Variants in XRN2 observed in about 807,000 individuals in gnomAD.
XRN2 encodes 5'-3' exoribonuclease 2.
XRN2 carries 44 observed loss-of-function variants against 138.5 expected under a neutral mutation model. The observed-to-expected ratio is 0.32, with a 90% confidence interval of 0.25 to 0.41. The LOEUF (loss-of-function observed/expected upper bound fraction) is 0.41. Among genes scored for constraint, XRN2 ranks in the 10% least tolerant of loss-of-function variants. The probability of loss-of-function intolerance (pLI) is 1.00; values close to 1 mark genes in which losing one functional copy is unlikely to be tolerated. For missense variants in XRN2, 937 were observed against 1,169.3 expected, an observed-to-expected ratio of 0.80 and a Z score of 2.90; for synonymous variants, 354 against 369.4, an observed-to-expected ratio of 0.96 and a Z score of 0.48.
At chr20:21,312,928 A>T (rs2037903075) in intron 1 of XRN2, among the ~76,000 whole-genome samples, 2 of 152,286 alleles carry the variant, frequency 1.3e-5, no homozygotes, top group Middle Eastern at 3.4e-3. Flanking sequence ...AACACAGTTC[A>T]ATTGAGCAAT....
intron 14 of XRN2, among the ~76,000 whole-genome samples, chr20:21,340,362 C>T (rs1296206424): frequency 6.6e-6 from 1 of 151,980 alleles, no homozygotes; most frequent in African/African-American, 2.4e-5. Context: ...TTTTTTTAAA[C>T]CTAAATTATT....
At chr20:21,369,188 G>T (rs1163720770) in intron 27 of XRN2, among the ~76,000 whole-genome samples, 1 of 152,122 alleles carries the variant, frequency 6.6e-6, no homozygotes, top group Non-Finnish European at 1.5e-5. Context: ...TGCCTGACTT[G>T]TTTCATGTAA....
intron 27 of XRN2, among the ~76,000 whole-genome samples, chr20:21,380,460 C>G (rs2038871431): frequency 6.6e-6 from 1 of 152,146 alleles, no homozygotes; most frequent in Admixed American, 6.5e-5. Context: ...GAACTTCTTA[C>G]TTTTATCTCT....
At chr20:21,379,248 G>C (rs928713587) in intron 27 of XRN2, among the ~76,000 whole-genome samples, 5 of 152,136 alleles carry the variant, frequency 3.3e-5, no homozygotes, top group Non-Finnish European at 7.4e-5. Context: ...CACTGTCTCA[G>C]AATTTTTTTT....
intron 27 of XRN2, 107 bp downstream of exon 27, chr20:21,368,697 G>C: frequency 1.4e-6 from 2 of 1,427,762 alleles, no homozygotes; most frequent in Non-Finnish European, 1.9e-6. Context: ...AGTGCAGACA[G>C]TGAACTTTAA....
chr20:21,326,527 A>G lies in XRN2; in HGVS notation c.241A>G (p.Ile81Val). The G allele has an allele frequency of 1.9e-6, 3 of 1,614,090 alleles. No individual in the cohort carries two copies. The African/African-American group carries it at 4.0e-5, about 22-fold the overall frequency. ...AAATGAAGATGAAATGATGGTTGCA[A>G]TTTTTGAGTACATTGACAGACTTTT... is the stretch of plus-strand genomic sequence containing the variant. ...PKNEDEMMVA[I>V]FEYIDRLFSI... The change falls in exon 3 of 30, where the codon ATT becomes GTT. Residue 81 changes from isoleucine (I) to valine (V), a missense_variant. Around this residue, in one of 6 missense-constraint regions of XRN2, gnomAD observed 51 missense variants for 93.5 expected, o/e 0.55. Transcript: ENST00000377191.
Position 21,346,547 on chromosome 20 carries a change from CCA to C in XRN2, c.1663_1664del (p.Gln555GlyfsTer21). ...GLCWVLRYYY[Q>X]GCASWKWYYP... Reference sequence around the variant, plus strand: ...TTTGCTGGGTTCTTAGATATTATTACCAGGTACAAAAAGAATATTTTCCTCTG... The same window carrying C: ...TTTGCTGGGTTCTTAGATATTATTACGGTACAAAAAGAATATTTTCCTCTG... On this transcript the variant is annotated frameshift_variant and splice_region_variant, in exon 17 of 30. Transcript: ENST00000377191. LOFTEE classifies it high-confidence loss of function. 6.2e-7 allele frequency: 1 copy of C among 1,612,676 alleles called. No homozygotes were observed. The highest frequency in any genetic ancestry group is 8.5e-7 in the Non-Finnish European group (1 of 1,179,242).
rs2038524347 is a variant in XRN2, at chr20:21,352,651, C to T, written c.1937-2138C>T. On this transcript the variant is annotated intron_variant, in intron 20 of 29. Transcript: ENST00000377191. ...CGGCCCAACACACGTAATTTAAAAG[C>T]AGTATCGTTTTGGTCAATTTGCTTA... 2.6e-5 allele frequency among the ~76,000 whole-genome samples: 4 copies of T among 152,034 alleles called. No homozygotes were observed. The South Asian group carries it at 8.3e-4, about 32-fold the overall frequency.
chr20:21,366,538 CAGAG>C (rs1336193921), intron 26 of XRN2, among the ~76,000 whole-genome samples: 2 of 141,142 alleles, frequency 1.4e-5, no homozygotes, highest in African/African-American at 5.3e-5. Context: ...GCCTGGGCGA[CAGAG>C]GGAGACTTCC....
At chr20:21,358,022 C>T (rs2038596145) in intron 24 of XRN2, among the ~76,000 whole-genome samples, 1 of 152,156 alleles carries the variant, frequency 6.6e-6, no homozygotes, top group Non-Finnish European at 1.5e-5. Context: ...TCTGGTTTCC[C>T]ATGACAACCT....
At chr20:21,373,700 A>T (rs2038787097) in intron 27 of XRN2, among the ~76,000 whole-genome samples, 1 of 152,176 alleles carries the variant, frequency 6.6e-6, no homozygotes, top group Admixed American at 6.5e-5. Context: ...TATCTCACCG[A>T]GCTTTTAGTT....
chr20:21,351,439 G>A (rs2038509198), intron 20 of XRN2, among the ~76,000 whole-genome samples: 1 of 152,056 alleles, frequency 6.6e-6, no homozygotes, highest in African/African-American at 2.4e-5. Flanking sequence ...ATTTTGAATT[G>A]GGTTGATTTT....
intron 5 of XRN2, 33 bp downstream of exon 5, chr20:21,330,572 A>G (rs780343272): frequency 6.9e-5 from 111 of 1,613,570 alleles, no homozygotes; most frequent in Non-Finnish European, 8.5e-5. Context: ...AGCTATTGCT[A>G]ACTCTTAAAT....
intron 28 of XRN2, 133 bp from the exon 29 acceptor site, chr20:21,386,735 A>C (rs1457877918): frequency 5.4e-6 from 6 of 1,107,018 alleles, no homozygotes; most frequent in Non-Finnish European, 5.1e-6. Flanking sequence ...GGCCATTCTG[A>C]TACTCTGTAT....
chr20:21,368,587 T>A lies in XRN2; in HGVS notation c.2581T>A (p.Ser861Thr). Residue 861 changes from serine (S) to threonine (T), a missense_variant, in exon 27 of 30, where the codon TCA becomes ACA. Physicochemically the swap from Ser to Thr is moderately conservative, Grantham distance 58. This residue lies in a region of XRN2 where 372 missense variants were observed against 414.4 expected (regional missense o/e 0.90). Transcript: ENST00000377191. ...RGQAQIPKLM[S>T]NMRPQDSWRG... ...ACAAGCCCAGATTCCAAAACTTATG[T>A]CAAGTAAGCTTTTACAAATCGGTTA... 6.2e-7 allele frequency: 1 copy of A among 1,611,852 alleles called. No individual in the cohort carries two copies. Among genetic ancestry groups the A allele is most frequent in the South Asian group, 1.1e-5 (1 of 90,264 alleles).
rs1460077465 is a variant in XRN2 at position 21,389,440 on chromosome 20, A to G, written c.*102A>G. 5 of 1,052,706 alleles carry G rather than the reference A, an allele frequency of 4.7e-6. No homozygotes were observed. Among genetic ancestry groups the G allele is most frequent in the Non-Finnish European group, 6.9e-6 (5 of 728,112 alleles). 65.2% of individuals were successfully genotyped at this position (1,052,706 alleles called of 1,614,324 possible). A position where few individuals can be genotyped will look rare whatever the true frequency, so the allele number is the denominator to read the frequency against. Reference sequence around the variant, plus strand: ...TAGTAGTTTTTAATAAAACTACAGTACTTTGTGTATTTCTTTTAACTGTGT... The same window carrying G: ...TAGTAGTTTTTAATAAAACTACAGTGCTTTGTGTATTTCTTTTAACTGTGT... On this transcript the variant is annotated 3_prime_UTR_variant, in exon 30 of 30. Transcript: ENST00000377191.
At chr20:21,314,747 A>G (rs959278452) in intron 1 of XRN2, among the ~76,000 whole-genome samples, 2 of 151,994 alleles carry the variant, frequency 1.3e-5, no homozygotes, top group African/African-American at 4.8e-5. Context: ...TATTCCCACC[A>G]GTAGTGTATG....
Position 21,356,593 on chromosome 20 carries a change from A to C in XRN2, c.2126A>C (p.Glu709Ala). The C allele has an allele frequency of 6.2e-7, 1 of 1,612,884 alleles. No individual in the cohort carries two copies. The highest frequency in any genetic ancestry group is 8.5e-7 in the Non-Finnish European group (1 of 1,179,456). The change falls in exon 23 of 30, where the codon GAG becomes GCG. Residue 709 changes from glutamate (E) to alanine (A), a missense_variant. Physicochemically the swap from Glu to Ala is moderately radical, Grantham distance 107. Transcript: ENST00000377191. ...LYQTGSTEPV[E>A]VPPELCHGIQ... ...GAATGCATTTTTCCACAGCCAGTGG[A>C]GGTACCCCCTGAACTATGTCATGGG... is the stretch of plus-strand genomic sequence containing the variant.
chr20:21,373,842 T>G (rs1352489035), intron 27 of XRN2, among the ~76,000 whole-genome samples: 1 of 152,218 alleles, frequency 6.6e-6, no homozygotes, highest in Non-Finnish European at 1.5e-5. Context: ...CTTTTTGTTT[T>G]GTAGGCGTTC....
Sources: gnomAD v4.1 joint callset for allele counts (sites outside exome capture counted in the v4.1 genomes callset) on GRCh38, gnomAD v4.1.1 for gene constraint, gnomAD v4.1.1 regional missense constraint, MANE v1.5 for transcripts, NCBI Gene and HGNC (gene_info 2026-07-23, HGNC 2026-07-21) for gene names.